Variants in HTT observed in about 807,000 individuals in gnomAD.
HTT encodes the protein huntington disease protein.
In HTT, 104 loss-of-function variants were observed where a neutral mutation model predicts 362.3. The observed-to-expected ratio is 0.29, with a 90% CI of 0.24 to 0.34. The LOEUF (loss-of-function observed/expected upper bound fraction) is 0.34. HTT is among the 10% of genes least tolerant of loss of function. The pLI is 1.00. For synonymous variants in HTT, 1,577 were observed against 1,548.7 expected (o/e 1.02, Z -0.43); for missense variants, 3,301 against 3,928.6 (o/e 0.84, Z 4.27).
chr4:3,178,457 A>C lies in HTT; in HGVS notation c.4612+11A>C. 6.2e-7 allele frequency: 1 copy of C among 1,611,740 alleles called. No homozygotes were observed. Among genetic ancestry groups the C allele is most frequent in the Non-Finnish European group, 8.5e-7 (1 of 1,178,986 alleles). ...AGGCTGTGACACATGGTAACGGGAC[A>C]CACCTTTCACTGTCGTCTTCGGTGT... On this transcript the variant is annotated intron_variant, in intron 35 of 66. Transcript: ENST00000355072.
intron 6 of HTT, chr4:3,113,114 G>C (rs186912603): frequency 8.1e-6 from 5 of 618,614 alleles, no homozygotes; most frequent in Admixed American, 6.3e-5. Context: ...TGCCTCCTCT[G>C]TGTTTGAACA....
intron 53 of HTT, 137 bp from the exon 54 acceptor site, chr4:3,222,250 T>C (rs945332390): frequency 2.2e-5 from 14 of 639,338 alleles, no homozygotes; most frequent in Non-Finnish European, 3.4e-5. Flanking sequence ...ATCATAGAAC[T>C]GTGTGAGGTT....
At position 3,142,905 on chromosome 4, in the gene HTT, C is replaced by A; in HGVS notation, c.3066+19C>A. On this transcript the variant is annotated intron_variant, in intron 23 of 66. Coordinates refer to ENST00000355072, the MANE Select transcript of HTT (RefSeq NM_001388492.1). ...ACTCACAGTAAGTCTCTTTCTTGAT[C>A]GGTCTTACTGACATTGTAATAGTTT... 1 of 1,607,784 alleles carries A rather than the reference C, an allele frequency of 6.2e-7. No individual in the cohort carries two copies. Among genetic ancestry groups the A allele is most frequent in the Non-Finnish European group, 8.5e-7 (1 of 1,175,150 alleles).
chr4:3,146,225 C>A (rs1379866641), intron 24 of HTT, among the ~76,000 whole-genome samples: 1 of 152,182 alleles, frequency 6.6e-6, no homozygotes, highest in Non-Finnish European at 1.5e-5. Flanking sequence ...GTTTGACTTA[C>A]ACTGTCTTTT....
intron 4 of HTT, among the ~76,000 whole-genome samples, chr4:3,104,638 G>A (rs1194284697): frequency 6.6e-6 from 1 of 152,014 alleles, no homozygotes; most frequent in African/African-American, 2.4e-5. Flanking sequence ...AATTGGGCCG[G>A]GTGTGGTGGC....
chr4:3,127,481 C>G lies in HTT; in HGVS notation c.1620C>G (p.Val540=). 6.2e-7 allele frequency: 1 copy of G among 1,614,196 alleles called. No individual in the cohort carries two copies. Among genetic ancestry groups the G allele is most frequent in the Non-Finnish European group, 8.5e-7 (1 of 1,180,036 alleles). Residue 540 remains valine, a synonymous_variant, in exon 12 of 67, where the codon GTC becomes GTG. Coordinates refer to ENST00000355072, the MANE Select transcript of HTT (RefSeq NM_001388492.1). ...LSHSSSQVSA[V]PSDPAMDLND... ...ACAGCTCCAGCCAGGTCAGCGCCGT[C>G]CCATCTGACCCTGCCATGGACCTGA...
intron 40 of HTT, among the ~76,000 whole-genome samples, chr4:3,196,288 C>T (rs1390072593): frequency 2.0e-5 from 3 of 152,172 alleles, no homozygotes; most frequent in African/African-American, 7.2e-5. Flanking sequence ...CTGGGTTCCT[C>T]ATAACATCCC....
chr4:3,220,491 A>T (rs1474208288), intron 53 of HTT, among the ~76,000 whole-genome samples, 183 bp downstream of exon 53: 1 of 152,240 alleles, frequency 6.6e-6, no homozygotes, highest in Non-Finnish European at 1.5e-5. Context: ...GAGAAAATAG[A>T]TCCCAGTTCC....
chr4:3,126,305 C>G (rs1364713376), intron 11 of HTT, among the ~76,000 whole-genome samples: 2 of 152,186 alleles, frequency 1.3e-5, no homozygotes, highest in African/African-American at 4.8e-5. Context: ...CTGCCTGCCT[C>G]AGCCTCCCAC....
At chr4:3,129,355 C>G (rs1336058826) in intron 12 of HTT, 1 of 153,002 alleles carries the variant, frequency 6.5e-6, no homozygotes, top group South Asian at 2.1e-4. Context: ...TAGTAGTTAA[C>G]AAACTTAATA....
intron 29 of HTT, among the ~76,000 whole-genome samples, chr4:3,165,710 C>T (rs543724544): frequency 2.9e-4 from 44 of 151,836 alleles, no homozygotes; most frequent in African/African-American, 9.4e-4. Flanking sequence ...AATCGGCTGT[C>T]GAAGCTTGTG....
intron 60 of HTT, among the ~76,000 whole-genome samples, chr4:3,230,672 G>A (rs2110297093): frequency 6.6e-6 from 1 of 152,276 alleles, no homozygotes; most frequent in East Asian, 1.9e-4. Flanking sequence ...CAAGGTGCCA[G>A]CAGATTTGGT....
intron 36 of HTT, 29 bp downstream of exon 36, chr4:3,180,680 T>G: frequency 6.2e-7 from 1 of 1,601,076 alleles, no homozygotes; most frequent in South Asian, 1.1e-5. Flanking sequence ...GGAACTGTCG[T>G]GGATACTTTA....
chr4:3,199,992 A>AG, intron 41 of HTT, 53 bp downstream of exon 41: 1 of 1,466,368 alleles, frequency 6.8e-7, no homozygotes, highest in Non-Finnish European at 9.4e-7. Flanking sequence ...CCCTGTCCTG[A>AG]GACTCCCAGT....
rs1720528117 is a variant in HTT, at chr4:3,218,614, CAG to C, written c.7242+665_7242+666del. Among the ~76,000 whole-genome samples, 2 of 151,068 alleles carry C rather than the reference CAG, an allele frequency of 1.3e-5. No homozygotes were observed. Among genetic ancestry groups the C allele is most frequent in the Non-Finnish European group, 2.9e-5 (2 of 67,864 alleles). On this transcript the variant is annotated intron_variant, in intron 52 of 66. Coordinates refer to ENST00000355072, the MANE Select transcript of HTT (RefSeq NM_001388492.1). The surrounding 1 kb of genome is among the most constrained non-coding windows in gnomAD (Gnocchi z 4.4). Reference sequence around the variant, plus strand: ...CGCCACTGCACTCTAGCCTGGGCAACAGAGCAAGACTCCGTCTCAAAAAAAAA... The same window carrying C: ...CGCCACTGCACTCTAGCCTGGGCAACAGCAAGACTCCGTCTCAAAAAAAAA...
intron 25 of HTT, 87 bp downstream of exon 25, chr4:3,147,035 A>G: frequency 7.8e-7 from 1 of 1,289,172 alleles, no homozygotes; most frequent in Non-Finnish European, 1.1e-6. Context: ...TATGAGGGGA[A>G]AATACTATAA....
chr4:3,083,024 C>A (rs989721550), intron 1 of HTT, among the ~76,000 whole-genome samples: 2 of 151,996 alleles, frequency 1.3e-5, no homozygotes, highest in African/African-American at 4.8e-5. Context: ...ATGTGTATAG[C>A]GGGAGAAGAG....
chr4:3,133,291 G>A (rs1316178807), intron 18 of HTT, among the ~76,000 whole-genome samples: 1 of 150,848 alleles, frequency 6.6e-6, no homozygotes, highest in Non-Finnish European at 1.5e-5. Context: ...CAAGACTATG[G>A]GCAACATAGT....
At chr4:3,226,798 T>C (rs1321242771) in intron 57 of HTT, among the ~76,000 whole-genome samples, 1 of 152,282 alleles carries the variant, frequency 6.6e-6, no homozygotes, top group Non-Finnish European at 1.5e-5. Flanking sequence ...AGCCTGTTTC[T>C]GTTCCCTGCT....
Sources: gnomAD v4.1 joint callset for allele counts (sites outside exome capture counted in the v4.1 genomes callset) on GRCh38, gnomAD v4.1.1 for gene constraint, Gnocchi (gnomAD v3.1) non-coding constraint, MANE v1.5 for transcripts, NCBI Gene and HGNC (gene_info 2026-07-23, HGNC 2026-07-21) for gene names.